Variants in GPR158 observed in about 807,000 individuals in gnomAD.
GPR158 encodes the protein G protein-coupled receptor 158.
Under a neutral mutation model 78.2 loss-of-function variants are expected in GPR158, and 30 were observed. That is an observed-to-expected ratio of 0.38 (90% CI 0.29 to 0.52). The LOEUF is 0.52. Among genes scored for constraint, GPR158 ranks in the 20% least tolerant of loss-of-function variants. GPR158 has a pLI of 0.83. For missense variants in GPR158, 1,463 were observed against 1,523.5 expected, an observed-to-expected ratio of 0.96 and a Z score of 0.66; for synonymous variants, 581 against 591.1, an observed-to-expected ratio of 0.98 and a Z score of 0.25.
At chr10:25,594,228 TA>T in intron 8 of GPR158, 63 bp from the exon 9 acceptor site, 1 of 837,446 alleles carries the variant, frequency 1.2e-6, no homozygotes. Flanking sequence ...AGTTCCCAAG[TA>T]ATCCTAGTGT....
At chr10:25,275,315 C>T (rs1266122687) in intron 2 of GPR158, among the ~76,000 whole-genome samples, 1 of 152,160 alleles carries the variant, frequency 6.6e-6, no homozygotes, top group Non-Finnish European at 1.5e-5. Context: ...GAATTTCTGA[C>T]TTAATGAAGG....
intron 5 of GPR158, among the ~76,000 whole-genome samples, chr10:25,487,167 T>A (rs1835745896): frequency 6.6e-6 from 1 of 152,088 alleles, no homozygotes; most frequent in Admixed American, 6.6e-5. Context: ...AAATTCAACA[T>A]GCTCATCAGG....
intron 4 of GPR158, among the ~76,000 whole-genome samples, chr10:25,441,705 C>T (rs1187050336): frequency 6.6e-6 from 1 of 152,148 alleles, no homozygotes; most frequent in Non-Finnish European, 1.5e-5. Flanking sequence ...GAATCATTGA[C>T]TTATAACCTT....
chr10:25,571,001 G>T (rs1025985066), intron 6 of GPR158, among the ~76,000 whole-genome samples: 2 of 152,056 alleles, frequency 1.3e-5, no homozygotes, highest in Admixed American at 6.6e-5. Flanking sequence ...ATAACAGTGG[G>T]CATAATTTGG....
At chr10:25,551,592 C>A (rs1310544491) in intron 6 of GPR158, among the ~76,000 whole-genome samples, 4 of 152,118 alleles carry the variant, frequency 2.6e-5, no homozygotes, top group African/African-American at 9.7e-5. Flanking sequence ...TGATTATCAG[C>A]CTTGGAAAAT....
At position 25,403,259 on chromosome 10, in the gene GPR158, A is replaced by G. The variant is rs140756079; in HGVS notation, c.1111+7246A>G. Among the ~76,000 whole-genome samples the G allele has an allele frequency of 2.6e-4, 39 of 152,098 alleles. No individual in the cohort carries two copies. In the East Asian group the frequency reaches 6.2e-3, roughly 24 times the overall value. On this transcript the variant is annotated intron_variant, in intron 3 of 10. Coordinates refer to ENST00000376351, the MANE Select transcript of GPR158 (RefSeq NM_020752.3). ...GAAGTTTTATGTTTTTTTCTTGTCA[A>G]TGAAATAAAATTAAGGCAAGCAAAT...
At chr10:25,337,291 C>T (rs982298546) in intron 2 of GPR158, among the ~76,000 whole-genome samples, 28 of 152,044 alleles carry the variant, frequency 1.8e-4, no homozygotes, top group Admixed American at 1.6e-3. Flanking sequence ...TACTAGCTTC[C>T]CAGATGTCTT....
At chr10:25,238,068 T>C (rs975580614) in intron 2 of GPR158, among the ~76,000 whole-genome samples, 7 of 152,140 alleles carry the variant, frequency 4.6e-5, no homozygotes, top group African/African-American at 1.7e-4. Flanking sequence ...TTTCTCTCCT[T>C]CTTCTTCCTT....
chr10:25,357,057 A>G (rs533186743), intron 2 of GPR158, among the ~76,000 whole-genome samples: 1 of 152,176 alleles, frequency 6.6e-6, no homozygotes, highest in South Asian at 2.1e-4. Context: ...AGCAAAGGTG[A>G]TGCTTGTTAT....
At chr10:25,306,892 A>G (rs184766331) in intron 2 of GPR158, among the ~76,000 whole-genome samples, 1 of 152,208 alleles carries the variant, frequency 6.6e-6, no homozygotes, top group Admixed American at 6.5e-5. Context: ...GTGCTCCAAA[A>G]GTTTTCCATT....
chr10:25,186,662 G>T (rs1050605022), intron 1 of GPR158, among the ~76,000 whole-genome samples: 2 of 152,072 alleles, frequency 1.3e-5, no homozygotes, highest in African/African-American at 4.8e-5. Context: ...ACCCTCCCAA[G>T]ATTAAACCAG....
intron 5 of GPR158, among the ~76,000 whole-genome samples, chr10:25,525,024 G>T (rs1308058522): frequency 6.6e-6 from 1 of 152,096 alleles, no homozygotes; most frequent in Non-Finnish European, 1.5e-5. Flanking sequence ...AAGATGATCA[G>T]CATCATTTCT....
intron 6 of GPR158, among the ~76,000 whole-genome samples, chr10:25,567,653 A>G (rs1400883373): frequency 6.6e-6 from 1 of 152,188 alleles, no homozygotes; most frequent in East Asian, 1.9e-4. Flanking sequence ...CATGTCATCC[A>G]GAGGGACCTG....
chr10:25,594,042 A>T (rs541419723), intron 8 of GPR158, among the ~76,000 whole-genome samples: 1 of 152,104 alleles, frequency 6.6e-6, no homozygotes, highest in Non-Finnish European at 1.5e-5. Flanking sequence ...CAAAATAATA[A>T]TCTTGGGAAT....
chr10:25,288,649 A>G (rs191334225), intron 2 of GPR158, among the ~76,000 whole-genome samples: 3 of 152,332 alleles, frequency 2.0e-5, no homozygotes, highest in Non-Finnish European at 2.9e-5. Context: ...TATGTCCAAG[A>G]ACAGAACATA....
chr10:25,252,393 A>C (rs1167645434), intron 2 of GPR158, among the ~76,000 whole-genome samples: 2 of 152,084 alleles, frequency 1.3e-5, no homozygotes, highest in South Asian at 2.1e-4. Context: ...AGGCACTCTG[A>C]TTTTTAGAGC....
chr10:25,370,012 T>G (rs1404607528), intron 2 of GPR158, among the ~76,000 whole-genome samples: 3 of 145,412 alleles, frequency 2.1e-5, no homozygotes, highest in Admixed American at 2.1e-4. Flanking sequence ...TCGGTGGTGA[T>G]ATCCCCTTTA....
At chr10:25,584,658 G>A (rs1338504466) in intron 7 of GPR158, among the ~76,000 whole-genome samples, 3 of 152,154 alleles carry the variant, frequency 2.0e-5, no homozygotes, top group East Asian at 1.9e-4. Context: ...TGTGCTAGTG[G>A]TACTTAATAA....
intron 1 of GPR158, among the ~76,000 whole-genome samples, chr10:25,189,502 T>C (rs1243395026): frequency 6.6e-6 from 1 of 152,122 alleles, no homozygotes; most frequent in Non-Finnish European, 1.5e-5. Flanking sequence ...TGGATAAAGC[T>C]GGAAACCGTC....
Sources: allele counts gnomAD v4.1 joint callset (sites outside exome capture counted in the v4.1 genomes callset), GRCh38; gene constraint gnomAD v4.1.1; transcripts MANE v1.5; gene names NCBI Gene and HGNC (gene_info 2026-07-23, HGNC 2026-07-21).